FAM114A1: variants seen among roughly 807,000 people sequenced by gnomAD.
FAM114A1 encodes the protein family with sequence similarity 114 member A1.
In FAM114A1, 62 loss-of-function variants were observed where a neutral mutation model predicts 64.3. The observed-to-expected ratio is 0.96, with a 90% CI of 0.79 to 1.19. The LOEUF is 1.19. FAM114A1 is among the 50% of genes most tolerant of loss of function. The pLI is 0.00. For synonymous variants in FAM114A1, 254 were observed against 251.1 expected, an observed-to-expected ratio of 1.01 and a Z score of -0.11; for missense variants, 645 against 676.3, an observed-to-expected ratio of 0.95 and a Z score of 0.51.
At chr4:38,920,132 G>T (rs1011938811) in intron 8 of FAM114A1, among the ~76,000 whole-genome samples, 10 of 152,036 alleles carry the variant, frequency 6.6e-5, no homozygotes, top group African/African-American at 2.4e-4. Context: ...GCTTGAACCC[G>T]GGAGGCGGAG....
intron 14 of FAM114A1, 30 bp from the exon 15 acceptor site, chr4:38,943,426 C>T (rs1157479209): frequency 6.4e-7 from 1 of 1,572,752 alleles, no homozygotes; most frequent in Non-Finnish European, 8.8e-7. Context: ...ATGAAAATAA[C>T]CCTTCAACCT....
intron 3 of FAM114A1, among the ~76,000 whole-genome samples, chr4:38,884,521 T>G (rs188283847): frequency 3.9e-5 from 6 of 152,320 alleles, no homozygotes; most frequent in Non-Finnish European, 5.9e-5. Flanking sequence ...GCACAGCTCT[T>G]AGGGTTTTGT....
At chr4:38,870,837 T>G (rs1452171099) in intron 2 of FAM114A1, among the ~76,000 whole-genome samples, 1 of 152,188 alleles carries the variant, frequency 6.6e-6, no homozygotes, top group Admixed American at 6.5e-5. Flanking sequence ...AGTTCTGTAT[T>G]TCAAACACAC....
At chr4:38,878,580 T>C (rs1242159159) in intron 3 of FAM114A1, among the ~76,000 whole-genome samples, 154 bp downstream of exon 3, 2 of 152,126 alleles carry the variant, frequency 1.3e-5, no homozygotes, top group Non-Finnish European at 2.9e-5. Flanking sequence ...AGATTAGACA[T>C]ATATAAAAAT....
intron 12 of FAM114A1, among the ~76,000 whole-genome samples, chr4:38,934,876 C>G (rs1720952144): frequency 6.6e-6 from 1 of 151,780 alleles, no homozygotes; most frequent in South Asian, 2.1e-4. Flanking sequence ...GTTTGAATCC[C>G]TCCTCTCCTG....
At chr4:38,923,800 CT>C (rs534654504) in intron 9 of FAM114A1, among the ~76,000 whole-genome samples, 35 of 152,036 alleles carry the variant, frequency 2.3e-4, no homozygotes, top group South Asian at 6.2e-4. Context: ...ATAACTTGAC[CT>C]CAAGGAGATT....
Position 38,929,250 on chromosome 4 carries a change from GA to G in FAM114A1, c.1082del (p.Lys361ArgfsTer29). 1 of 1,613,038 alleles carries G rather than the reference GA, an allele frequency of 6.2e-7. No homozygotes were observed. The highest frequency in any genetic ancestry group is 8.5e-7 in the Non-Finnish European group (1 of 1,179,146). ...EENQEEQGLE[E>X]KGEEFARMLT... ...TCGTGTTCTATTTCTAGGCTTAGAA[GA>G]AAAGGGAGAAGAATTTGCTCGCATG... On this transcript the variant is annotated frameshift_variant, in exon 10 of 15. Transcript: ENST00000358869. LOFTEE classifies it high-confidence loss of function.
At position 38,905,776 on chromosome 4, in the gene FAM114A1, A is replaced by G. The variant is rs200345622; in HGVS notation, c.572A>G (p.Gln191Arg). The change falls in exon 6 of 15, where the codon CAG becomes CGG. Residue 191 changes from glutamine (Q) to arginine (R), a missense_variant. Physicochemically the swap from Gln to Arg is conservative, Grantham distance 43 (BLOSUM62 1). Coordinates refer to ENST00000358869, the MANE Select transcript of FAM114A1 (RefSeq NM_138389.4). ...VPEITDAATD[Q>R]GPAESPPTSP... ...TTAGTAACAGATGCAGCCACAGATC[A>G]GGGCCCTGCAGAAAGCCCACCCACT... 10 of 1,613,812 alleles carry G rather than the reference A, an allele frequency of 6.2e-6. No homozygotes were observed. Among genetic ancestry groups the G allele is most frequent in the Non-Finnish European group, 8.5e-7 (1 of 1,179,970 alleles).
At chr4:38,872,925 G>A (rs1579283455) in intron 2 of FAM114A1, among the ~76,000 whole-genome samples, 1 of 152,216 alleles carries the variant, frequency 6.6e-6, no homozygotes, top group Non-Finnish European at 1.5e-5. Flanking sequence ...CCAGCAGACT[G>A]GTTTGCCAAC....
Position 38,905,879 on chromosome 4 carries a change from T to A in FAM114A1, c.657+18T>A, listed in dbSNP as rs767324729. ...AAAACACAGTGAGTCGCTGGCTGCT[T>A]CCTCTCTTTCCCCTGTATTTCCCAG... On this transcript the variant is annotated intron_variant, in intron 6 of 14. Coordinates refer to ENST00000358869, the MANE Select transcript of FAM114A1 (RefSeq NM_138389.4). 2 of 1,599,346 alleles carry A rather than the reference T, an allele frequency of 1.3e-6. No homozygotes were observed. Among genetic ancestry groups the A allele is most frequent in the South Asian group, 2.2e-5 (2 of 89,936 alleles).
rs3067658 is a variant in FAM114A1 at position 38,880,090 on chromosome 4, A to AGTAGAATAGAGTAG, written c.348+1664_348+1665insGTAGAATAGAGTAG. 5.5e-3 allele frequency among the ~76,000 whole-genome samples: 515 copies of AGTAGAATAGAGTAG among 92,866 alleles called. 6 individuals are homozygous for AGTAGAATAGAGTAG. The highest frequency in any genetic ancestry group is 9.1e-3 in the African/African-American group (257 of 28,166). 60.9% of individuals were successfully genotyped at this position (92,866 alleles called of 152,430 possible). A position where few individuals can be genotyped will look rare whatever the true frequency, so the allele number is the denominator to read the frequency against. ...TCAAAAAAATAAATAAAATAAAATA[A>AGTAGAATAGAGTAG]AATAAAATAAAATAGAGTAGAATAG... On this transcript the variant is annotated intron_variant, in intron 3 of 14. Transcript: ENST00000358869.
Position 38,941,090 on chromosome 4 carries a change from T to G in FAM114A1, c.1590+69T>G, listed in dbSNP as rs1296537159. The stretch of plus-strand genomic sequence containing the variant: ...TGTTAGAACTACTTTTTTTTTTTTT[T>G]GCCTTTCTTCCCCCACAGCAAATGT... On this transcript the variant is annotated intron_variant, in intron 14 of 14. Transcript: ENST00000358869. The G allele has an allele frequency of 2.9e-6, 4 of 1,357,488 alleles. No individual in the cohort carries two copies. The Admixed American group carries it at 8.1e-5, about 27-fold the overall frequency. 84.1% of individuals were successfully genotyped at this position (1,357,488 alleles called of 1,614,324 possible).
intron 3 of FAM114A1, among the ~76,000 whole-genome samples, chr4:38,885,704 G>A (rs1182206450): frequency 6.6e-6 from 1 of 152,186 alleles, no homozygotes; most frequent in East Asian, 1.9e-4. Flanking sequence ...TAAAGCATCA[G>A]ATGTTACCAG....
chr4:38,935,569 C>T (rs768665508), intron 12 of FAM114A1, 149 bp from the exon 13 acceptor site: 43 of 493,884 alleles, frequency 8.7e-5, no homozygotes, highest in Non-Finnish European at 1.3e-4. Flanking sequence ...TAAGGAAAAC[C>T]GCCTGACTGC....
intron 2 of FAM114A1, among the ~76,000 whole-genome samples, chr4:38,869,015 G>T (rs1169991331): frequency 1.3e-5 from 2 of 152,170 alleles, no homozygotes; most frequent in African/African-American, 4.8e-5. Context: ...GAATCTGAGC[G>T]ATTCAGACCA....
chr4:38,894,382 G>A (rs1193772421), intron 4 of FAM114A1, among the ~76,000 whole-genome samples: 1 of 152,104 alleles, frequency 6.6e-6, no homozygotes, highest in African/African-American at 2.4e-5. Flanking sequence ...CTGGCTCTGA[G>A]TAATCATTGA....
In FAM114A1 at chr4:38,889,477, CA is replaced by C. The variant is rs1371478721; in HGVS notation, c.349-2265del. Among the ~76,000 whole-genome samples the C allele has an allele frequency of 7.9e-5, 12 of 152,280 alleles. 1 individual carries two copies. The South Asian group carries it at 2.1e-3, about 26-fold the overall frequency. The stretch of plus-strand genomic sequence containing the variant: ...TAGTTTCTTCTTATTATTTCTAGCT[CA>C]CACTTTTGGAGTACTTCTTATATGC... On this transcript the variant is annotated intron_variant, in intron 3 of 14. Coordinates refer to ENST00000358869, the MANE Select transcript of FAM114A1 (RefSeq NM_138389.4).
chr4:38,885,808 A>G (rs1490768416), intron 3 of FAM114A1, among the ~76,000 whole-genome samples: 1 of 152,206 alleles, frequency 6.6e-6, no homozygotes, highest in Admixed American at 6.5e-5. Flanking sequence ...TGCATATTTT[A>G]TTGGAATGCT....
At chr4:38,941,536 CT>C (rs1165326581) in intron 14 of FAM114A1, among the ~76,000 whole-genome samples, 1 of 152,218 alleles carries the variant, frequency 6.6e-6, no homozygotes, top group Admixed American at 6.5e-5. Context: ...CTCACTAGGA[CT>C]TTGCAGCATC....
Sources: gnomAD v4.1 joint callset for allele counts (sites outside exome capture counted in the v4.1 genomes callset) on GRCh38, gnomAD v4.1.1 for gene constraint, MANE v1.5 for transcripts, NCBI Gene and HGNC (gene_info 2026-07-23, HGNC 2026-07-21) for gene names.